MICU1: variants seen among roughly 807,000 people sequenced by gnomAD.
MICU1 encodes calcium uptake protein 1, mitochondrial.
A neutral mutation model predicts 56.8 loss-of-function variants in MICU1; 45 were observed. The ratio of observed to expected loss-of-function variants is 0.79; its 90% CI spans 0.62 to 1.02. The LOEUF is 1.02. Among genes scored for constraint, MICU1 ranks in the 50% least tolerant of loss-of-function variants. The pLI is 0.00. For synonymous variants in MICU1, 186 were observed against 195.1 expected (o/e 0.95, Z 0.39); for missense variants, 504 against 587.1 (o/e 0.86, Z 1.46).
chr10:72,545,711 GC>G (rs1839878430), intron 4 of MICU1, among the ~76,000 whole-genome samples: 1 of 152,146 alleles, frequency 6.6e-6, no homozygotes, highest in African/African-American at 2.4e-5. Context: ...TAGACTCTCA[GC>G]TATCTCCTCA....
intron 5 of MICU1, among the ~76,000 whole-genome samples, chr10:72,532,311 C>T (rs1264580906): frequency 2.6e-5 from 4 of 151,224 alleles, no homozygotes; most frequent in Admixed American, 6.6e-5. Context: ...GAGCGAGACT[C>T]CATCTCAAAA....
intron 4 of MICU1, among the ~76,000 whole-genome samples, chr10:72,546,468 C>T (rs1157107526): frequency 6.6e-6 from 1 of 152,182 alleles, no homozygotes; most frequent in Non-Finnish European, 1.5e-5. Context: ...ATCTTACTTC[C>T]ATTTTCTGTC....
At chr10:72,587,824 A>T (rs751737264) in intron 1 of MICU1, among the ~76,000 whole-genome samples, 1 of 152,020 alleles carries the variant, frequency 6.6e-6, no homozygotes, top group South Asian at 2.1e-4. Context: ...AATAAATAAA[A>T]TTTTAATTTA....
At chr10:72,590,244 A>T (rs1219037643) in intron 1 of MICU1, among the ~76,000 whole-genome samples, 1 of 152,228 alleles carries the variant, frequency 6.6e-6, no homozygotes, top group Non-Finnish European at 1.5e-5. Context: ...ACCAAAAGAG[A>T]GCAGGCGTGG....
intron 10 of MICU1, among the ~76,000 whole-genome samples, chr10:72,399,264 A>T (rs181777238): frequency 2.5e-4 from 38 of 151,830 alleles, no homozygotes; most frequent in Admixed American, 3.9e-4. Context: ...CTGAACAATG[A>T]GATCACTTGG....
intron 5 of MICU1, among the ~76,000 whole-genome samples, chr10:72,512,682 G>GTTTTTGT (rs1491219873): frequency 2.3e-5 from 2 of 86,634 alleles, no homozygotes; most frequent in Non-Finnish European, 6.2e-5. Flanking sequence ...TATGTTTTTG[G>GTTTTTGT]TTTTTGTTTT....
At chr10:72,383,528 T>C (rs973869069) in intron 10 of MICU1, among the ~76,000 whole-genome samples, 5 of 152,238 alleles carry the variant, frequency 3.3e-5, no homozygotes, top group African/African-American at 1.2e-4. Flanking sequence ...CAGATGGACA[T>C]GAGCAGCTTC....
chr10:72,410,296 A>T (rs1016107633), intron 9 of MICU1, among the ~76,000 whole-genome samples: 1 of 152,304 alleles, frequency 6.6e-6, no homozygotes, highest in Non-Finnish European at 1.5e-5. Flanking sequence ...ACAGTGATGC[A>T]TCTGTACTTA....
At chr10:72,495,527 G>C (rs1040587942) in intron 6 of MICU1, among the ~76,000 whole-genome samples, 4 of 152,004 alleles carry the variant, frequency 2.6e-5, no homozygotes, top group African/African-American at 9.7e-5. Flanking sequence ...GTGGTGGCGG[G>C]TGCCTGTAAT....
chr10:72,440,845 A>G (rs1273548036), intron 8 of MICU1, among the ~76,000 whole-genome samples: 1 of 152,226 alleles, frequency 6.6e-6, no homozygotes, highest in Non-Finnish European at 1.5e-5. Flanking sequence ...CAAAACCACA[A>G]TGAGATACCA....
intron 4 of MICU1, among the ~76,000 whole-genome samples, chr10:72,542,845 T>A (rs1309553933): frequency 6.6e-6 from 1 of 152,188 alleles, no homozygotes; most frequent in Non-Finnish European, 1.5e-5. Context: ...AGATGGTGAA[T>A]GCAGAGGATT....
At chr10:72,521,663 T>C (rs924893915) in intron 5 of MICU1, among the ~76,000 whole-genome samples, 2 of 152,082 alleles carry the variant, frequency 1.3e-5, no homozygotes, top group Non-Finnish European at 2.9e-5. Context: ...CCAGAGCCCA[T>C]GTCATGAATC....
chr10:72,609,658 C>T lies in MICU1; in HGVS notation c.-2+16352G>A, dbSNP rs183940602. ...CTGAGGCAGGAGAATGGTGTGAACCCAGAAGGCGGAGCTTGTAGTGAGCCG... is the reference window on the plus strand; with the variant it reads ...CTGAGGCAGGAGAATGGTGTGAACCTAGAAGGCGGAGCTTGTAGTGAGCCG... On this transcript the variant is annotated intron_variant, in intron 1 of 11. Transcript: ENST00000361114. Among the ~76,000 whole-genome samples the T allele has an allele frequency of 8.0e-5, 12 of 149,840 alleles. 1 individual carries two copies. Among genetic ancestry groups the T allele is most frequent in the Admixed American group, 6.0e-4 (9 of 14,936 alleles).
At chr10:72,546,525 A>G (rs1490376923) in intron 4 of MICU1, among the ~76,000 whole-genome samples, 1 of 152,184 alleles carries the variant, frequency 6.6e-6, no homozygotes, top group Non-Finnish European at 1.5e-5. Flanking sequence ...ATGTGGCTAC[A>G]CTGGAGCCTC....
At chr10:72,615,406 C>T (rs1841952185) in intron 1 of MICU1, among the ~76,000 whole-genome samples, 1 of 152,170 alleles carries the variant, frequency 6.6e-6, no homozygotes. Context: ...GTGTGAGCAA[C>T]AGCACCACAG....
intron 8 of MICU1, among the ~76,000 whole-genome samples, chr10:72,450,132 A>C (rs185631085): frequency 6.6e-6 from 1 of 152,176 alleles, no homozygotes; most frequent in South Asian, 2.1e-4. Context: ...TTAACAAACA[A>C]TGAAATGACT....
chr10:72,618,896 T>C (rs923843747), intron 1 of MICU1, among the ~76,000 whole-genome samples: 1 of 152,242 alleles, frequency 6.6e-6, no homozygotes, highest in Non-Finnish European at 1.5e-5. Context: ...TAAATTTAAA[T>C]TGTAATTATC....
intron 10 of MICU1, among the ~76,000 whole-genome samples, chr10:72,395,594 C>T (rs1195529373): frequency 6.6e-6 from 1 of 152,208 alleles, no homozygotes; most frequent in African/African-American, 2.4e-5. Flanking sequence ...GTGTTGTTCC[C>T]AAGGTCTTAG....
chr10:72,619,205 G>A (rs1266840514), intron 1 of MICU1, among the ~76,000 whole-genome samples: 1 of 152,172 alleles, frequency 6.6e-6, no homozygotes, highest in Non-Finnish European at 1.5e-5. Context: ...AGCACTTTGG[G>A]AGGCTGAGGC....
Sources: gnomAD v4.1 joint callset for allele counts (sites outside exome capture counted in the v4.1 genomes callset) on GRCh38, gnomAD v4.1.1 for gene constraint, MANE v1.5 for transcripts, NCBI Gene and HGNC (gene_info 2026-07-23, HGNC 2026-07-21) for gene names.